Variants in LEMD1 observed in about 807,000 individuals in gnomAD.
LEMD1 encodes LEM domain containing 1, also known as LEM domain-containing protein 1.
Under a neutral mutation model 17.4 loss-of-function variants are expected in LEMD1, and 18 were observed. That is an observed-to-expected ratio of 1.04 (90% CI 0.72 to 1.54). The LOEUF (loss-of-function observed/expected upper bound fraction) is 1.54, where lower values mean the gene tolerates loss of function less well. LEMD1 is among the 40% of genes most tolerant of loss of function. The probability of loss-of-function intolerance (pLI) is 0.00; values close to 1 mark genes in which losing one functional copy is unlikely to be tolerated. For synonymous variants in LEMD1, 88 were observed against 77.8 expected, an observed-to-expected ratio of 1.13 and a Z score of -0.69; for missense variants, 195 against 210.4, an observed-to-expected ratio of 0.93 and a Z score of 0.45.
chr1:205,394,936 G>A (rs1189347486), intron 4 of LEMD1, among the ~76,000 whole-genome samples: 1 of 151,222 alleles, frequency 6.6e-6, no homozygotes, highest in African/African-American at 2.4e-5. Flanking sequence ...GCAGTGAGCC[G>A]AGATCGCCCT....
chr1:205,382,779 C>T (rs559872177), intron 5 of LEMD1, among the ~76,000 whole-genome samples: 123 of 152,334 alleles, frequency 8.1e-4, no homozygotes, highest in Non-Finnish European at 1.2e-3. Context: ...TCCTTCCTCC[C>T]TTCTCAAGTA....
At chr1:205,413,654 CA>C (rs1325966260) in intron 4 of LEMD1, among the ~76,000 whole-genome samples, 1 of 125,978 alleles carries the variant, frequency 7.9e-6, no homozygotes, top group East Asian at 2.2e-4. Context: ...GATAAAATGC[CA>C]TTTTTTTTTT....
chr1:205,430,547 C>T (rs1407616602), intron 1 of LEMD1, among the ~76,000 whole-genome samples: 2 of 152,212 alleles, frequency 1.3e-5, no homozygotes, highest in Admixed American at 6.5e-5. Flanking sequence ...ATGCGTGGTT[C>T]CCATGAGACA....
chr1:205,428,379 G>A (rs1340967713), intron 1 of LEMD1, among the ~76,000 whole-genome samples: 1 of 152,152 alleles, frequency 6.6e-6, no homozygotes, highest in African/African-American at 2.4e-5. Flanking sequence ...CAGGGATATC[G>A]TTAGGTTGCA....
intron 2 of LEMD1, among the ~76,000 whole-genome samples, chr1:205,419,841 C>A (rs1286759425): frequency 1.3e-5 from 2 of 152,130 alleles, no homozygotes; most frequent in African/African-American, 4.8e-5. Context: ...TTAGGTGATA[C>A]CTGTATGGAT....
At position 205,427,580 on chromosome 1, in the gene LEMD1, A is replaced by G. The variant is rs144257805; in HGVS notation, c.-38-7006T>C. ...ACCGCAGTACACGTGGTAAGGAGCA[A>G]TGTCATGAAATAGGAGACCACACAA... On this transcript the variant is annotated intron_variant, in intron 1 of 3. Transcript: ENST00000367154. 1.4e-3 allele frequency among the ~76,000 whole-genome samples: 210 copies of G among 152,250 alleles called. 1 individual carries two copies. The highest frequency in any genetic ancestry group is 4.9e-3 in the African/African-American group (204 of 41,544).
intron 1 of LEMD1, among the ~76,000 whole-genome samples, chr1:205,446,499 G>A (rs1185707297): frequency 6.6e-6 from 1 of 152,230 alleles, no homozygotes; most frequent in Non-Finnish European, 1.5e-5. Context: ...TGGCTCATCT[G>A]TACCCTTCCT....
chr1:205,434,111 A>G (rs1163303593), intron 1 of LEMD1, among the ~76,000 whole-genome samples: 2 of 152,062 alleles, frequency 1.3e-5, no homozygotes, highest in Non-Finnish European at 2.9e-5. Flanking sequence ...TCTCTCTTTT[A>G]TAAGTCTGAA....
chr1:205,446,975 A>G (rs534444864), intron 1 of LEMD1, among the ~76,000 whole-genome samples: 2 of 152,334 alleles, frequency 1.3e-5, no homozygotes, highest in East Asian at 3.9e-4. Flanking sequence ...CCAGTGATGG[A>G]CAAAGGGTGA....
intron 4 of LEMD1, among the ~76,000 whole-genome samples, chr1:205,400,836 C>T (rs1248155527): frequency 2.5e-5 from 1 of 39,298 alleles, no homozygotes; most frequent in Non-Finnish European, 5.3e-5. Flanking sequence ...TCTCCTAATG[C>T]TATCCCTCCC....
chr1:205,420,321 C>T, intron 2 of LEMD1, 134 bp downstream of exon 2: 2 of 687,124 alleles, frequency 2.9e-6, no homozygotes, highest in South Asian at 1.8e-5. Flanking sequence ...CGCCTCTTCC[C>T]TCTTTGTGGT....
intron 1 of LEMD1, 65 bp from the exon 2 acceptor site, chr1:205,420,639 A>G (rs1665920301): frequency 1.1e-6 from 1 of 882,300 alleles, no homozygotes; most frequent in Non-Finnish European, 1.9e-6. Context: ...AATGTTACCA[A>G]TCCACATAAG....
chr1:205,417,039 G>C (rs573558507), intron 3 of LEMD1, among the ~76,000 whole-genome samples: 2 of 152,248 alleles, frequency 1.3e-5, no homozygotes, highest in African/African-American at 2.4e-5. Flanking sequence ...AAAGGAGAAG[G>C]CTAAGTCCAC....
At chr1:205,406,801 G>A (rs188573542) in intron 4 of LEMD1, among the ~76,000 whole-genome samples, 22 of 152,312 alleles carry the variant, frequency 1.4e-4, no homozygotes, top group South Asian at 4.1e-4. Flanking sequence ...CTTCTGTGTC[G>A]CTCACGCTGG....
intron 4 of LEMD1, among the ~76,000 whole-genome samples, chr1:205,401,933 T>C (rs1392509451): frequency 6.6e-6 from 1 of 152,208 alleles, no homozygotes; most frequent in Non-Finnish European, 1.5e-5. Context: ...CTAGCCAGTT[T>C]TCCCAGCACC....
intron 4 of LEMD1, among the ~76,000 whole-genome samples, chr1:205,410,895 A>AAAGG (rs561458862): frequency 1.1e-4 from 17 of 151,408 alleles, no homozygotes; most frequent in East Asian, 3.9e-4. Flanking sequence ...AAAAGAAAGC[A>AAAGG]AAGGAAGGAA....
At chr1:205,413,461 ACAATTTTTG>A (rs913458397) in intron 4 of LEMD1, among the ~76,000 whole-genome samples, 1 of 149,828 alleles carries the variant, frequency 6.7e-6, no homozygotes, top group African/African-American at 2.5e-5. Context: ...GTTAATTTTT[ACAATTTTTG>A]TAGAGATGAG....
At chr1:205,399,440 C>G (rs939026953) in intron 4 of LEMD1, among the ~76,000 whole-genome samples, 3 of 152,276 alleles carry the variant, frequency 2.0e-5, no homozygotes, top group Admixed American at 6.5e-5. Flanking sequence ...CAGATACATA[C>G]ATTTATTTTC....
chr1:205,435,607 A>G (rs1381927225), intron 1 of LEMD1: 1 of 152,250 alleles, frequency 6.6e-6, no homozygotes, highest in East Asian at 1.9e-4. Context: ...AAATTTAATT[A>G]TCTATCCCCT....
Sources: allele counts gnomAD v4.1 joint callset (sites outside exome capture counted in the v4.1 genomes callset), GRCh38; gene constraint gnomAD v4.1.1; transcripts MANE v1.5; gene names NCBI Gene and HGNC (gene_info 2026-07-23, HGNC 2026-07-21).